TG: variants seen among roughly 807,000 people sequenced by gnomAD.
TG encodes the protein thyroglobulin.
Under a neutral mutation model 324.7 loss-of-function variants are expected in TG, and 270 were observed. The observed-to-expected ratio is 0.83, with a 90% CI of 0.75 to 0.92. The LOEUF is 0.92. Among genes scored for constraint, TG ranks in the 40% least tolerant of loss-of-function variants. The pLI is 0.00. For synonymous variants in TG, 1,401 were observed against 1,327.0 expected (o/e 1.06, Z -1.21); for missense variants, 3,591 against 3,456.4 (o/e 1.04, Z -0.98).
At chr8:132,951,708 G>A (rs1826123083) in intron 27 of TG, among the ~76,000 whole-genome samples, 1 of 152,178 alleles carries the variant, frequency 6.6e-6, no homozygotes, top group Admixed American at 6.5e-5. Flanking sequence ...CAAATTGGAG[G>A]TTGCCCTATA....
At chr8:133,068,664 G>A (rs1321365195) in intron 41 of TG, among the ~76,000 whole-genome samples, 1 of 152,222 alleles carries the variant, frequency 6.6e-6, no homozygotes, top group Non-Finnish European at 1.5e-5. Context: ...GACGCAAGGG[G>A]CTCAGTGACC....
chr8:133,018,069 G>A (rs1835207913), intron 38 of TG, 72 bp downstream of exon 38: 15 of 1,453,404 alleles, frequency 1.0e-5, no homozygotes, highest in Admixed American at 1.8e-5. Context: ...ATCCAAATGG[G>A]ACTCAGTAGC....
intron 38 of TG, among the ~76,000 whole-genome samples, chr8:133,019,024 G>T (rs1426197241): frequency 6.6e-6 from 1 of 152,268 alleles, no homozygotes; most frequent in Non-Finnish European, 1.5e-5. Context: ...TTTGACAGAT[G>T]AAATGACGGA....
chr8:133,022,098 C>T lies in TG; in HGVS notation c.6984C>T (p.Leu2328=), dbSNP rs61745590. ...CCTTCTTGGCTGCTGTTGGCAACCT[C>T]ATCGTGGTCACTGCCAGCTACCGAG... ...DGSFLAAVGN[L]IVVTASYRVG... The change falls in exon 40 of 48, where the codon CTC becomes CTT. Residue 2328 remains leucine (L), a synonymous_variant. Coordinates refer to ENST00000220616, the MANE Select transcript of TG (RefSeq NM_003235.5). The T allele has an allele frequency of 6.2e-7, 1 of 1,614,148 alleles. No individual in the cohort carries two copies. Among genetic ancestry groups the T allele is most frequent in the East Asian group, 2.2e-5 (1 of 44,860 alleles).
intron 23 of TG, among the ~76,000 whole-genome samples, chr8:132,933,262 GTGTT>G (rs1410019780): frequency 0.1 from 13 of 130 alleles, no homozygotes; most frequent in Admixed American, 0.33. Context: ...ATTTGTGTGT[GTGTT>G]TGGGTGTTTA....
At chr8:132,964,861 G>T (rs1008867291) in intron 29 of TG, 1 of 700,656 alleles carries the variant, frequency 1.4e-6, no homozygotes, top group African/African-American at 1.8e-5. Flanking sequence ...GCAGGAGAAG[G>T]AATGCTAGCA....
At chr8:132,948,729 G>A (rs1488765198) in intron 26 of TG, 47 bp from the exon 27 acceptor site, 1 of 1,601,786 alleles carries the variant, frequency 6.2e-7, no homozygotes. Context: ...AGTCTCTAAA[G>A]GTCCCCCTCC....
intron 41 of TG, among the ~76,000 whole-genome samples, chr8:133,065,555 A>C (rs925698546): frequency 2.0e-5 from 3 of 152,182 alleles, no homozygotes; most frequent in African/African-American, 4.8e-5. Flanking sequence ...TCAGGTCAGG[A>C]GTTCAAGACC....
chr8:133,094,198 G>T (rs1008690100), intron 41 of TG, among the ~76,000 whole-genome samples: 4 of 151,370 alleles, frequency 2.6e-5, no homozygotes, highest in African/African-American at 9.7e-5. Flanking sequence ...CTGGAACCCA[G>T]CTCCTACCAC....
At chr8:132,904,639 A>G (rs1212376464) in intron 16 of TG, among the ~76,000 whole-genome samples, 1 of 152,178 alleles carries the variant, frequency 6.6e-6, no homozygotes, top group Non-Finnish European at 1.5e-5. Flanking sequence ...CCCTGGCAAG[A>G]GAAGCGTCAG....
intron 35 of TG, among the ~76,000 whole-genome samples, chr8:132,998,444 G>T (rs139948467): frequency 6.6e-6 from 1 of 152,334 alleles, no homozygotes; most frequent in Non-Finnish European, 1.5e-5. Context: ...TTCAGCTGTG[G>T]CCATGGGAAA....
chr8:133,091,406 A>G (rs1052232806), intron 41 of TG, among the ~76,000 whole-genome samples: 2 of 152,124 alleles, frequency 1.3e-5, no homozygotes, highest in African/African-American at 4.8e-5. Flanking sequence ...ACCCTCTGAC[A>G]CATGGATGCC....
In TG at chr8:133,012,005, T is replaced by A. The variant is rs1330118221; in HGVS notation, c.6367T>A (p.Phe2123Ile). The A allele has an allele frequency of 6.2e-7, 1 of 1,614,230 alleles. No homozygotes were observed. The highest frequency in any genetic ancestry group is 2.2e-5 in the East Asian group (1 of 44,886). ...TGTCAGCACTGCTGCCACCAGCAATTTCTCTGCTGTCCGAGACCTCTGTTT... is the reference window on the plus strand; with the variant it reads ...TGTCAGCACTGCTGCCACCAGCAATATCTCTGCTGTCCGAGACCTCTGTTT... ...AHVSTAATSNFSAVRDLCLSE... is the reference protein window; with the variant it reads ...AHVSTAATSNISAVRDLCLSE... The change falls in exon 36 of 48, where the codon TTC becomes ATC. Residue 2123 changes from phenylalanine to isoleucine, a missense_variant. Physicochemically the swap from Phe to Ile is conservative, Grantham distance 21. Coordinates refer to ENST00000220616, the MANE Select transcript of TG (RefSeq NM_003235.5).
At chr8:133,112,084 G>C (rs1850293584) in intron 43 of TG, among the ~76,000 whole-genome samples, 1 of 150,686 alleles carries the variant, frequency 6.6e-6, no homozygotes, top group Admixed American at 6.6e-5. Flanking sequence ...TCACCCAGGA[G>C]TGGTTGTGTT....
At chr8:132,991,205 A>C (rs1832286339) in intron 35 of TG, among the ~76,000 whole-genome samples, 1 of 152,094 alleles carries the variant, frequency 6.6e-6, no homozygotes, top group East Asian at 1.9e-4. Context: ...CACCACTGCT[A>C]ATGTAGAGCC....
At position 133,050,172 on chromosome 8, in the gene TG, A is replaced by G. The variant is rs528734620; in HGVS notation, c.7239+20149A>G. 947 of 609,640 alleles carry G rather than the reference A, an allele frequency of 1.6e-3. 6 individuals carry two copies. Among genetic ancestry groups the G allele is most frequent in the Middle Eastern group, 6.3e-3 (15 of 2,366 alleles). 37.8% of individuals were successfully genotyped at this position (609,640 alleles called of 1,614,324 possible). On this transcript the variant is annotated intron_variant, in intron 41 of 47. Coordinates refer to ENST00000220616, the MANE Select transcript of TG (RefSeq NM_003235.5). ...TTTTCTTTTTAAAGGATATGTGTCC[A>G]GTGGATAGCCCTCCATTGCAAGCCA...
intron 5 of TG, 112 bp downstream of exon 5, chr8:132,873,333 A>G: frequency 7.1e-7 from 1 of 1,405,134 alleles, no homozygotes; most frequent in Non-Finnish European, 9.8e-7. Context: ...AGGAATTAAG[A>G]GCTGCCTCAT....
At position 133,096,380 on chromosome 8, in the gene TG, A is replaced by G. The variant is rs1848415826; in HGVS notation, c.7572+7A>G. The G allele has an allele frequency of 6.2e-7, 1 of 1,614,068 alleles. No individual in the cohort carries two copies. Among genetic ancestry groups the G allele is most frequent in the Non-Finnish European group, 8.5e-7 (1 of 1,179,996 alleles). On this transcript the variant is annotated splice_region_variant and intron_variant, in intron 43 of 47. Transcript: ENST00000220616. Reference sequence around the variant, plus strand: ...CAGAGCAAAGGCTGTGAAGGTAAGCAGGGAGGGGGCCTCGGATGTCTCCAG... The same window carrying G: ...CAGAGCAAAGGCTGTGAAGGTAAGCGGGGAGGGGGCCTCGGATGTCTCCAG...
In TG at chr8:132,941,521, G is replaced by A. The variant is rs115053637; in HGVS notation, c.5212G>A (p.Val1738Ile). ...CDRDLCCDGFVLTQVQGGAII... is the reference protein window; with the variant it reads ...CDRDLCCDGFILTQVQGGAII... Reference sequence around the variant, plus strand: ...CCGTGATCTGTGTTGCGATGGCTTCGTCCTCACACAGGTTCAAGGAGGTAA... The same window carrying A: ...CCGTGATCTGTGTTGCGATGGCTTCATCCTCACACAGGTTCAAGGAGGTAA... The change falls in exon 26 of 48, where the codon GTC becomes ATC. Residue 1738 changes from valine (V) to isoleucine (I), a missense_variant. Physicochemically the swap from Val to Ile is conservative, Grantham distance 29 (BLOSUM62 3). Transcript: ENST00000220616. The A allele has an allele frequency of 3.2e-5, 51 of 1,614,108 alleles. No homozygotes were observed. In the East Asian group the frequency reaches 6.2e-4, roughly 20 times the overall value.
Sources: allele counts gnomAD v4.1 joint callset (sites outside exome capture counted in the v4.1 genomes callset), GRCh38; gene constraint gnomAD v4.1.1; transcripts MANE v1.5; gene names NCBI Gene and HGNC (gene_info 2026-07-23, HGNC 2026-07-21).